APP: variants seen among roughly 807,000 people sequenced by gnomAD.
APP encodes amyloid-beta precursor protein.
A neutral mutation model predicts 101.4 loss-of-function variants in APP; 31 were observed. The observed-to-expected ratio is 0.31, with a 90% CI of 0.23 to 0.41. The LOEUF (loss-of-function observed/expected upper bound fraction) is 0.41. APP is among the 10% of genes least tolerant of loss of function. The probability of loss-of-function intolerance (pLI) is 1.00; values close to 1 mark genes in which losing one functional copy is unlikely to be tolerated. For synonymous variants in APP, 366 were observed against 364.4 expected (o/e 1.00, Z -0.05); for missense variants, 839 against 1,003.7 (o/e 0.84, Z 2.22).
intron 11 of APP, among the ~76,000 whole-genome samples, chr21:25,966,662 A>G (rs562110979): frequency 3.9e-5 from 6 of 152,350 alleles, no homozygotes; most frequent in African/African-American, 1.2e-4. Flanking sequence ...TATGCTATAT[A>G]CATATATTTT....
intron 15 of APP, among the ~76,000 whole-genome samples, chr21:25,901,634 G>C (rs2038496026): frequency 6.6e-6 from 1 of 152,220 alleles, no homozygotes; most frequent in Non-Finnish European, 1.5e-5. Context: ...GTAATAAAAT[G>C]TGATGAGTAG....
chr21:25,881,781 A>C lies in APP; in HGVS notation c.2212-10T>G, dbSNP rs45513597. 6.2e-7 allele frequency: 1 copy of C among 1,609,616 alleles called. No homozygotes were observed. The highest frequency in any genetic ancestry group is 8.5e-7 in the Non-Finnish European group (1 of 1,177,874). On this transcript the variant is annotated splice_polypyrimidine_tract_variant and intron_variant, in intron 17 of 17. Transcript: ENST00000346798. Reference sequence around the variant, plus strand: ...TGACAGCGGCGTCAACCTGAAAAACAAGAGGAGAGCTGAGTAAAAAATAAA... The same window carrying C: ...TGACAGCGGCGTCAACCTGAAAAACCAGAGGAGAGCTGAGTAAAAAATAAA...
At chr21:26,073,374 C>T (rs1017931366) in intron 3 of APP, among the ~76,000 whole-genome samples, 5 of 152,036 alleles carry the variant, frequency 3.3e-5, no homozygotes, top group African/African-American at 1.2e-4. Flanking sequence ...ACCCATCAAC[C>T]GATGCCACTG....
At chr21:25,904,852 A>C (rs1263232751) in intron 15 of APP, among the ~76,000 whole-genome samples, 172 bp downstream of exon 15, 1 of 152,202 alleles carries the variant, frequency 6.6e-6, no homozygotes, top group Non-Finnish European at 1.5e-5. Flanking sequence ...TTGGGAAATG[A>C]AGAGTAAGGA....
chr21:26,078,133 A>G (rs2061532284), intron 3 of APP, among the ~76,000 whole-genome samples: 2 of 152,234 alleles, frequency 1.3e-5, no homozygotes, highest in Non-Finnish European at 2.9e-5. Flanking sequence ...TGGCTTTAAA[A>G]ATTCATTCTT....
chr21:25,988,871 G>A (rs2042748381), intron 8 of APP, among the ~76,000 whole-genome samples: 1 of 151,908 alleles, frequency 6.6e-6, no homozygotes, highest in East Asian at 1.9e-4. Flanking sequence ...ATATGAAAAC[G>A]GGAGAAACTG....
intron 2 of APP, among the ~76,000 whole-genome samples, chr21:26,104,394 T>A (rs1418412156): frequency 6.6e-6 from 1 of 152,098 alleles, no homozygotes; most frequent in East Asian, 1.9e-4. Flanking sequence ...GACCAATGAC[T>A]AGGCAGAAGC....
In APP at chr21:26,012,975, CAACAAAACAAA is replaced by C. The variant is rs1222892366; in HGVS notation, c.865+8854_865+8864del. Among the ~76,000 whole-genome samples, 9 of 147,830 alleles carry C rather than the reference CAACAAAACAAA, an allele frequency of 6.1e-5. No individual in the cohort carries two copies. The East Asian group carries it at 1.6e-3, about 27-fold the overall frequency. On this transcript the variant is annotated intron_variant, in intron 6 of 17. Transcript: ENST00000346798. ...AGCCTGGGTGACTGAGACTCCATGT[CAACAAAACAAA>C]ACAAAACAAAACAAAACAAAACAAA... is the stretch of plus-strand genomic sequence containing the variant.
intron 5 of APP, among the ~76,000 whole-genome samples, chr21:26,045,714 C>T (rs2146883896): frequency 6.6e-6 from 1 of 152,238 alleles, no homozygotes; most frequent in Admixed American, 6.5e-5. Context: ...TGTGACACTC[C>T]AGCAATCACC....
rs2062339417 is a variant in APP, at chr21:26,112,120, C to A, written c.84G>T (p.Leu28=). 6.2e-7 allele frequency: 1 copy of A among 1,613,914 alleles called. No homozygotes were observed. The highest frequency in any genetic ancestry group is 1.7e-5 in the Admixed American group (1 of 60,000). Residue 28 remains leucine, a synonymous_variant, in exon 2 of 18, where the codon CTG becomes CTT. Transcript: ENST00000346798. ...ACATGGCAATCTGGGGTTCAGCCAGCAGGCCAGCATTACCATCAGTGGGTA... is the reference window on the plus strand; with the variant it reads ...ACATGGCAATCTGGGGTTCAGCCAGAAGGCCAGCATTACCATCAGTGGGTA... ...LEVPTDGNAG[L]LAEPQIAMFC...
chr21:26,103,236 G>A (rs1032196546), intron 2 of APP, among the ~76,000 whole-genome samples: 8 of 152,168 alleles, frequency 5.3e-5, no homozygotes, highest in East Asian at 1.9e-4. Context: ...CATTTGAAGC[G>A]GATAAAAACA....
chr21:26,171,041 G>T (rs1040778923), upstream of APP: 6 of 162,000 alleles, frequency 3.7e-5, no homozygotes, highest in Non-Finnish European at 6.7e-5. Flanking sequence ...GACGGTGCAG[G>T]ATCAGGGAAA....
chr21:26,131,204 A>C (rs2062787755), intron 1 of APP, among the ~76,000 whole-genome samples: 1 of 152,130 alleles, frequency 6.6e-6, no homozygotes, highest in South Asian at 2.1e-4. Context: ...ACTCCGGCCC[A>C]GGTAACAAGA....
chr21:25,946,806 C>T (rs1323386240), intron 13 of APP, among the ~76,000 whole-genome samples: 5 of 152,258 alleles, frequency 3.3e-5, no homozygotes, highest in Admixed American at 1.3e-4. Flanking sequence ...CCATTGCAAT[C>T]GCATGAAGAA....
At chr21:26,084,299 C>T (rs1162454251) in intron 3 of APP, among the ~76,000 whole-genome samples, 2 of 131,238 alleles carry the variant, frequency 1.5e-5, no homozygotes, top group Non-Finnish European at 3.1e-5. Context: ...AGCGCAGTGG[C>T]GCGATCTCGG....
intron 6 of APP, among the ~76,000 whole-genome samples, chr21:26,019,521 T>C (rs1162861204): frequency 6.6e-6 from 1 of 151,992 alleles, no homozygotes; most frequent in Non-Finnish European, 1.5e-5. Context: ...ACAGATGGCT[T>C]TGTACTTCTT....
intron 1 of APP, among the ~76,000 whole-genome samples, chr21:26,113,143 T>G (rs2062364860): frequency 6.6e-6 from 1 of 152,132 alleles, no homozygotes; most frequent in Non-Finnish European, 1.5e-5. Flanking sequence ...GAAGGCATAT[T>G]AATCATGATA....
Position 25,976,022 on chromosome 21 carries a change from T to C in APP, c.1231A>G (p.Arg411Gly). Residue 411 changes from arginine (R) to glycine (G), a missense_variant, in exon 10 of 18, where the codon AGA becomes GGA. Physicochemically the swap from Arg to Gly is moderately radical, Grantham distance 125. Transcript: ENST00000346798. ...TGACGTTCTGCCTCTTCCCATTCTC[T>C]CATGACCTATAAATTAAGGAAACAT... is the stretch of plus-strand genomic sequence containing the variant. ...KHRERMSQVM[R>G]EWEEAERQAK... is the part of the protein sequence containing the mutation. The C allele has an allele frequency of 6.2e-7, 1 of 1,613,132 alleles. No homozygotes were observed.
intron 1 of APP, among the ~76,000 whole-genome samples, chr21:26,124,645 A>C (rs758614466): frequency 2.6e-5 from 4 of 152,220 alleles, no homozygotes; most frequent in Non-Finnish European, 5.9e-5. Context: ...CTAACACCTA[A>C]CGTGAATGAC....
Sources: gnomAD v4.1 joint callset for allele counts (sites outside exome capture counted in the v4.1 genomes callset) on GRCh38, gnomAD v4.1.1 for gene constraint, MANE v1.5 for transcripts, NCBI Gene and HGNC (gene_info 2026-07-23, HGNC 2026-07-21) for gene names.